DGKB: variants seen among roughly 807,000 people sequenced by gnomAD.
DGKB encodes 90 kDa diacylglycerol kinase.
In DGKB, 67 loss-of-function variants were observed where a neutral mutation model predicts 114.3. The observed-to-expected ratio is 0.59, with a 90% CI of 0.48 to 0.72. DGKB has a LOEUF of 0.72. DGKB is among the 30% of genes least tolerant of loss of function. DGKB has a pLI of 0.00. For missense variants in DGKB, 907 were observed against 975.2 expected, an observed-to-expected ratio of 0.93 and a Z score of 0.93; for synonymous variants, 398 against 323.1, an observed-to-expected ratio of 1.23 and a Z score of -2.49.
intron 1 of DGKB, among the ~76,000 whole-genome samples, chr7:14,963,658 A>G (rs759413824): frequency 6.6e-6 from 1 of 152,184 alleles, no homozygotes; most frequent in African/African-American, 2.4e-5. Flanking sequence ...TGGTTGGACA[A>G]TTGTTTGATA....
chr7:14,752,409 C>A (rs770246838), intron 4 of DGKB, among the ~76,000 whole-genome samples: 1 of 152,034 alleles, frequency 6.6e-6, no homozygotes. Context: ...GTACAAAGTG[C>A]GAAAATAAAG....
Position 14,300,763 on chromosome 7 carries a change from G to A in DGKB, c.2122+37752C>T, listed in dbSNP as rs60516648. Among the ~76,000 whole-genome samples the A allele has an allele frequency of 9.5e-3, 1,438 of 152,006 alleles. 20 individuals are homozygous for A. The highest frequency in any genetic ancestry group is 0.033 in the African/African-American group (1,363 of 41,476). On this transcript the variant is annotated intron_variant, in intron 23 of 25. Transcript: ENST00000402815. The stretch of plus-strand genomic sequence containing the variant: ...TCGTTCACAAAAATGTCTCCTATAT[G>A]GCTGTACTCTTTTTCCATTTCCTGG...
chr7:14,905,135 T>G (rs217602), upstream of DGKB, among the ~76,000 whole-genome samples: 19,099 of 152,120 alleles, frequency 0.13, 1,602 homozygotes, highest in Non-Finnish European at 0.19. Flanking sequence ...ATTTATTAGC[T>G]ATCTTCATTA....
At chr7:14,938,156 A>G (rs1055408760) in intron 1 of DGKB, among the ~76,000 whole-genome samples, 1 of 152,228 alleles carries the variant, frequency 6.6e-6, no homozygotes, top group Admixed American at 6.5e-5. Flanking sequence ...GCCCATATGC[A>G]AAGAGGAATC....
At chr7:14,785,347 T>C (rs1839728599) in intron 2 of DGKB, among the ~76,000 whole-genome samples, 1 of 152,168 alleles carries the variant, frequency 6.6e-6, no homozygotes. Context: ...TTCAGTGTCA[T>C]TTTCTAATCT....
intron 9 of DGKB, among the ~76,000 whole-genome samples, chr7:14,691,752 G>T (rs188973526): frequency 1.6e-4 from 25 of 151,652 alleles, no homozygotes; most frequent in Non-Finnish European, 1.5e-5. Flanking sequence ...GAGATGGGGT[G>T]GGGGGCGGAA....
At chr7:14,781,742 T>A (rs562427246) in intron 2 of DGKB, among the ~76,000 whole-genome samples, 1 of 152,322 alleles carries the variant, frequency 6.6e-6, no homozygotes, top group Non-Finnish European at 1.5e-5. Context: ...TATGTAATAT[T>A]TGTATTATAA....
intron 13 of DGKB, among the ~76,000 whole-genome samples, chr7:14,655,145 C>A (rs1034921923): frequency 1.3e-5 from 2 of 151,870 alleles, no homozygotes; most frequent in South Asian, 4.1e-4. Context: ...TGACAAGGGC[C>A]TTTTACCTAG....
chr7:14,919,095 A>AAACACACAC (rs1784392701), intron 1 of DGKB, among the ~76,000 whole-genome samples: 3,061 of 114,866 alleles, frequency 0.027, 148 homozygotes, highest in African/African-American at 0.093. Context: ...CACACACACA[A>AAACACACAC]ACACACACAC....
chr7:14,638,627 A>C (rs1811179890), intron 13 of DGKB, among the ~76,000 whole-genome samples: 1 of 152,168 alleles, frequency 6.6e-6, no homozygotes, highest in African/African-American at 2.4e-5. Flanking sequence ...TGGGAGTGAT[A>C]AGAATAATGG....
chr7:14,338,406 T>A, intron 23 of DGKB, 109 bp downstream of exon 23: 1 of 585,784 alleles, frequency 1.7e-6, no homozygotes, highest in Non-Finnish European at 2.7e-6. Context: ...AAAATACAAC[T>A]GTAAAAATAT....
intron 20 of DGKB, among the ~76,000 whole-genome samples, chr7:14,537,143 A>T (rs1792638459): frequency 6.6e-6 from 1 of 152,126 alleles, no homozygotes. Flanking sequence ...TGAAAAATTT[A>T]AAACCCTCAT....
At chr7:14,478,561 A>C (rs1183108023) in intron 20 of DGKB, among the ~76,000 whole-genome samples, 1 of 152,148 alleles carries the variant, frequency 6.6e-6, no homozygotes, top group Non-Finnish European at 1.5e-5. Context: ...TATGAGTGTA[A>C]ATGTCAAATA....
intron 20 of DGKB, among the ~76,000 whole-genome samples, chr7:14,489,039 A>G (rs1204268278): frequency 6.6e-6 from 1 of 152,146 alleles, no homozygotes; most frequent in East Asian, 1.9e-4. Context: ...CATAGAATTA[A>G]TCTACTTCCC....
At chr7:14,384,318 T>A (rs1583551329) in intron 21 of DGKB, among the ~76,000 whole-genome samples, 1 of 152,240 alleles carries the variant, frequency 6.6e-6, no homozygotes, top group African/African-American at 2.4e-5. Context: ...AAAATACAGC[T>A]TACAGGCCAA....
At position 14,731,697 on chromosome 7, in the gene DGKB, C is replaced by A. The variant is rs559811943; in HGVS notation, c.322+4344G>T. 3.1e-4 allele frequency among the ~76,000 whole-genome samples: 47 copies of A among 152,070 alleles called. No homozygotes were observed. In the South Asian group the frequency reaches 9.4e-3, roughly 30 times the overall value. On this transcript the variant is annotated intron_variant, in intron 5 of 25. Transcript: ENST00000402815. The stretch of plus-strand genomic sequence containing the variant: ...GTGAGCCTCAACCATCTTTCTGCAA[C>A]CATGTTGTAGAAAAAGAAAGATTCC...
intron 21 of DGKB, among the ~76,000 whole-genome samples, chr7:14,418,392 T>TATATATATATACAC (rs1554421158): frequency 1.5e-5 from 2 of 137,076 alleles, no homozygotes; most frequent in African/African-American, 5.6e-5. Flanking sequence ...TATATATATA[T>TATATATATATACAC]ACACACACAC....
intron 23 of DGKB, among the ~76,000 whole-genome samples, chr7:14,215,569 G>T (rs1000057241): frequency 6.6e-6 from 1 of 152,028 alleles, no homozygotes; most frequent in African/African-American, 2.4e-5. Context: ...TGTTTTACAC[G>T]TTTTATCTCA....
At chr7:14,898,718 A>G (rs906497697) in intron 1 of DGKB, among the ~76,000 whole-genome samples, 1 of 152,044 alleles carries the variant, frequency 6.6e-6, no homozygotes, top group African/African-American at 2.4e-5. Context: ...AGGGCCAACA[A>G]TGTGAATGTA....
Sources: gnomAD v4.1 joint callset for allele counts (sites outside exome capture counted in the v4.1 genomes callset) on GRCh38, gnomAD v4.1.1 for gene constraint, MANE v1.5 for transcripts, NCBI Gene and HGNC (gene_info 2026-07-23, HGNC 2026-07-21) for gene names.